GALNTL6: variants seen among roughly 807,000 people sequenced by gnomAD.
GALNTL6 encodes polypeptide N-acetylgalactosaminyltransferase like 6, also known as polypeptide N-acetylgalactosaminyltransferase-like 6.
A neutral mutation model predicts 73.7 loss-of-function variants in GALNTL6; 46 were observed. That is an observed-to-expected ratio of 0.62 (90% CI 0.49 to 0.80). GALNTL6 has a LOEUF of 0.80. Among genes scored for constraint, GALNTL6 ranks in the 30% least tolerant of loss-of-function variants. The pLI is 0.00. For missense variants in GALNTL6, 604 were observed against 755.0 expected (o/e 0.80, Z 2.34); for synonymous variants, 259 against 263.7 (o/e 0.98, Z 0.17).
intron 7 of GALNTL6, among the ~76,000 whole-genome samples, chr4:172,821,348 C>G (rs1741915876): frequency 1.3e-5 from 2 of 152,124 alleles, no homozygotes; most frequent in Admixed American, 6.6e-5. Context: ...AAGTTAATGC[C>G]TTCTTTCATT....
At chr4:172,133,159 C>T (rs915559763) in intron 2 of GALNTL6, among the ~76,000 whole-genome samples, 4 of 152,190 alleles carry the variant, frequency 2.6e-5, no homozygotes, top group Non-Finnish European at 4.4e-5. Context: ...TCCATTAGAT[C>T]GTTAGTTAAG....
chr4:172,418,145 G>A (rs1006652972), intron 5 of GALNTL6, among the ~76,000 whole-genome samples: 1 of 152,078 alleles, frequency 6.6e-6, no homozygotes, highest in East Asian at 1.9e-4. Context: ...TGCCAAATTG[G>A]GGTAGGTGAT....
intron 2 of GALNTL6, among the ~76,000 whole-genome samples, chr4:171,937,246 G>T (rs1268340423): frequency 6.6e-6 from 1 of 151,880 alleles, no homozygotes; most frequent in Non-Finnish European, 1.5e-5. Flanking sequence ...AAATGACATT[G>T]AATTTTTAAT....
chr4:172,711,824 T>C (rs1457096075), intron 5 of GALNTL6, among the ~76,000 whole-genome samples: 1 of 152,048 alleles, frequency 6.6e-6, no homozygotes, highest in African/African-American at 2.4e-5. Context: ...CATAGATGAA[T>C]TTACCAAAGG....
intron 5 of GALNTL6, among the ~76,000 whole-genome samples, chr4:172,349,275 AT>A (rs1414938865): frequency 6.6e-6 from 1 of 152,222 alleles, no homozygotes; most frequent in African/African-American, 2.4e-5. Context: ...TATTTACCTT[AT>A]AAAAATTTTA....
At chr4:171,992,946 T>C (rs1268453391) in intron 2 of GALNTL6, among the ~76,000 whole-genome samples, 3 of 152,088 alleles carry the variant, frequency 2.0e-5, no homozygotes, top group African/African-American at 7.2e-5. Context: ...TACATTTCAC[T>C]GTTTTTCCAA....
chr4:172,231,987 A>G (rs1579282637), intron 3 of GALNTL6, among the ~76,000 whole-genome samples: 2 of 152,240 alleles, frequency 1.3e-5, no homozygotes, highest in East Asian at 3.9e-4. Flanking sequence ...GTGTAATTGA[A>G]AAGCTTTTAC....
intron 5 of GALNTL6, among the ~76,000 whole-genome samples, chr4:172,787,671 G>T (rs375075322): frequency 1.3e-5 from 2 of 152,314 alleles, no homozygotes; most frequent in East Asian, 1.9e-4. Context: ...TCACCAGGAG[G>T]ATCACTGAGG....
intron 5 of GALNTL6, among the ~76,000 whole-genome samples, chr4:172,791,364 A>G (rs1386706117): frequency 4.6e-5 from 7 of 152,336 alleles, no homozygotes; most frequent in African/African-American, 1.7e-4. Flanking sequence ...AGTATCCTCC[A>G]TTGAAAATAT....
intron 7 of GALNTL6, among the ~76,000 whole-genome samples, chr4:172,866,835 C>T (rs540422376): frequency 2.6e-5 from 4 of 152,184 alleles, no homozygotes; most frequent in Non-Finnish European, 4.4e-5. Flanking sequence ...ACCCACATTC[C>T]TGTCTGTAGT....
intron 2 of GALNTL6, among the ~76,000 whole-genome samples, chr4:172,174,515 A>C (rs1734932032): frequency 6.6e-6 from 1 of 152,214 alleles, no homozygotes; most frequent in Admixed American, 6.5e-5. Context: ...TGAAATTTAG[A>C]ATAACATATA....
intron 2 of GALNTL6, among the ~76,000 whole-genome samples, chr4:171,982,975 G>A: frequency 6.6e-6 from 1 of 152,214 alleles, no homozygotes; most frequent in South Asian, 2.1e-4. Flanking sequence ...TTACAAGAAT[G>A]TAACCATCTG....
chr4:172,335,395 T>C lies in GALNTL6; in HGVS notation c.387-13128T>C, dbSNP rs189664837. 8.1e-4 allele frequency among the ~76,000 whole-genome samples: 123 copies of C among 152,340 alleles called. 2 individuals are homozygous for C. In the South Asian group the frequency reaches 0.016, roughly 20 times the overall value. ...TATGTTCACCAGGAATATTAGCCTG[T>C]AGTTGTCTTTATTCATTGTGTCTTT... On this transcript the variant is annotated intron_variant, in intron 4 of 12. Coordinates refer to ENST00000506823, the MANE Select transcript of GALNTL6 (RefSeq NM_001034845.3).
chr4:172,256,907 A>T (rs1738099723), intron 3 of GALNTL6, among the ~76,000 whole-genome samples: 1 of 151,274 alleles, frequency 6.6e-6, no homozygotes, highest in African/African-American at 2.4e-5. Context: ...AAAAAAACTT[A>T]TGTTCTCATG....
At chr4:172,551,491 T>G (rs1047637123) in intron 5 of GALNTL6, among the ~76,000 whole-genome samples, 2 of 152,130 alleles carry the variant, frequency 1.3e-5, no homozygotes, top group Non-Finnish European at 2.9e-5. Flanking sequence ...AAATTCATCT[T>G]TCTGTCCATT....
At chr4:172,988,001 A>G (rs1005378937) in intron 10 of GALNTL6, among the ~76,000 whole-genome samples, 1 of 152,198 alleles carries the variant, frequency 6.6e-6, no homozygotes, top group Admixed American at 6.5e-5. Context: ...AATACAGAAA[A>G]TTAATACTGG....
chr4:172,598,698 T>A (rs1737950456), intron 5 of GALNTL6, among the ~76,000 whole-genome samples: 1 of 152,096 alleles, frequency 6.6e-6, no homozygotes, highest in African/African-American at 2.4e-5. Context: ...CATAAACAAA[T>A]TCTTTTTGAA....
At chr4:172,976,816 A>G (rs1486256826) in intron 10 of GALNTL6, among the ~76,000 whole-genome samples, 1 of 152,192 alleles carries the variant, frequency 6.6e-6, no homozygotes, top group Non-Finnish European at 1.5e-5. Flanking sequence ...ATTCTTTTAC[A>G]GCCTTCACGA....
At chr4:172,693,729 C>G (rs976714128) in intron 5 of GALNTL6, among the ~76,000 whole-genome samples, 2 of 152,120 alleles carry the variant, frequency 1.3e-5, no homozygotes, top group Non-Finnish European at 2.9e-5. Context: ...TAAGGACAGC[C>G]ACTGAAAAAC....
Sources: gnomAD v4.1 joint callset for allele counts (sites outside exome capture counted in the v4.1 genomes callset) on GRCh38, gnomAD v4.1.1 for gene constraint, MANE v1.5 for transcripts, NCBI Gene and HGNC (gene_info 2026-07-23, HGNC 2026-07-21) for gene names.